The following CADPS variants were observed in gnomAD, a reference collection of about 807,000 sequenced individuals.
CADPS encodes the protein calcium dependent secretion activator.
A neutral mutation model predicts 167.3 loss-of-function variants in CADPS; 57 were observed. The observed-to-expected ratio is 0.34, with a 90% confidence interval of 0.28 to 0.42. The LOEUF is 0.42. Ranked by LOEUF, CADPS falls within the 20% of genes least tolerant of loss-of-function variation. CADPS has a pLI of 1.00. For synonymous variants in CADPS, 676 were observed against 635.3 expected, an observed-to-expected ratio of 1.06 and a Z score of -0.96; for missense variants, 1,414 against 1,738.1, an observed-to-expected ratio of 0.81 and a Z score of 3.32.
At chr3:62,576,237 G>C (rs1017292629) in intron 8 of CADPS, among the ~76,000 whole-genome samples, 2 of 152,194 alleles carry the variant, frequency 1.3e-5, no homozygotes, top group Non-Finnish European at 2.9e-5. Context: ...TGGCAGTTTA[G>C]ACGAGTGGTT....
At chr3:62,703,100 C>A (rs908595416) in intron 3 of CADPS, among the ~76,000 whole-genome samples, 2 of 152,068 alleles carry the variant, frequency 1.3e-5, no homozygotes, top group African/African-American at 4.8e-5. Context: ...ATATAAGCAC[C>A]ATTATAAAAC....
At chr3:62,799,980 T>A (rs963064371) in intron 1 of CADPS, among the ~76,000 whole-genome samples, 1 of 152,190 alleles carries the variant, frequency 6.6e-6, no homozygotes, top group African/African-American at 2.4e-5. Flanking sequence ...ATAAGGATAA[T>A]GTTTCTCTCC....
chr3:62,467,244 T>C, intron 24 of CADPS: 3 of 974,714 alleles, frequency 3.1e-6, no homozygotes, highest in Non-Finnish European at 1.3e-6. Flanking sequence ...CATATTTCCC[T>C]AACAAAAAAT....
chr3:62,845,443 C>CTCA (rs1446474526), intron 1 of CADPS, among the ~76,000 whole-genome samples: 1 of 152,164 alleles, frequency 6.6e-6, no homozygotes, highest in African/African-American at 2.4e-5. Flanking sequence ...TAATACATCT[C>CTCA]TCATTAGGTC....
At chr3:62,489,192 G>C (rs547142768) in intron 21 of CADPS, among the ~76,000 whole-genome samples, 3 of 151,194 alleles carry the variant, frequency 2.0e-5, no homozygotes, top group Non-Finnish European at 2.9e-5. Context: ...ACGGCATCTC[G>C]GTCTGTCACC....
intron 12 of CADPS, among the ~76,000 whole-genome samples, chr3:62,535,712 C>CT (rs945633751): frequency 3.3e-5 from 5 of 151,878 alleles, no homozygotes; most frequent in Non-Finnish European, 7.4e-5. Context: ...TAAATTGGGT[C>CT]TTTTTTTAGG....
At chr3:62,437,952 T>TA in intron 28 of CADPS, 152 bp downstream of exon 28, 1 of 585,864 alleles carries the variant, frequency 1.7e-6, no homozygotes, top group Non-Finnish European at 3.1e-6. Flanking sequence ...ACAAGACAGA[T>TA]AAGAGCCTAA....
At chr3:62,684,729 G>C (rs985627754) in intron 3 of CADPS, among the ~76,000 whole-genome samples, 3 of 151,964 alleles carry the variant, frequency 2.0e-5, no homozygotes, top group African/African-American at 7.3e-5. Flanking sequence ...CTCAGTTCTA[G>C]GTGAGTGTCT....
intron 13 of CADPS, among the ~76,000 whole-genome samples, chr3:62,529,914 G>T (rs2073258926): frequency 6.6e-6 from 1 of 152,144 alleles, no homozygotes; most frequent in African/African-American, 2.4e-5. Flanking sequence ...TTAATTTTGG[G>T]TGACGGTATA....
chr3:62,601,744 C>T lies in CADPS; in HGVS notation c.1326-8996G>A, dbSNP rs889643974. On this transcript the variant is annotated intron_variant, in intron 6 of 29. Coordinates refer to ENST00000383710, the MANE Select transcript of CADPS (RefSeq NM_003716.4). This position sits in a 1 kb window ranked among gnomAD's most constrained non-coding sequence, Gnocchi z 4.3. ...AATATCAAATAATAAACATGAGTAGCAGATGATTCATATTTAGGGGGATGG... is the reference window on the plus strand; with the variant it reads ...AATATCAAATAATAAACATGAGTAGTAGATGATTCATATTTAGGGGGATGG... 6.6e-6 allele frequency among the ~76,000 whole-genome samples: 1 copy of T among 152,150 alleles called. No individual in the cohort carries two copies. The highest frequency in any genetic ancestry group is 1.5e-5 in the Non-Finnish European group (1 of 68,034).
chr3:62,792,175 T>C (rs571975970), intron 1 of CADPS, among the ~76,000 whole-genome samples: 2 of 152,114 alleles, frequency 1.3e-5, no homozygotes, highest in South Asian at 4.1e-4. Context: ...GAGAGTCAAT[T>C]CATGTGACTA....
intron 6 of CADPS, among the ~76,000 whole-genome samples, chr3:62,612,777 C>T (rs1562897425): frequency 6.6e-6 from 1 of 152,166 alleles, no homozygotes; most frequent in Non-Finnish European, 1.5e-5. Flanking sequence ...TGAATGGGGG[C>T]AAGTTTACTG....
chr3:62,721,641 A>T lies in CADPS; in HGVS notation c.888+31800T>A, dbSNP rs1413757674. 2.0e-5 allele frequency among the ~76,000 whole-genome samples: 3 copies of T among 152,200 alleles called. No individual in the cohort carries two copies. In the East Asian group the frequency reaches 5.8e-4, roughly 29 times the overall value. ...GACAGATCTTTCCAACTTAGATTCA[A>T]CAAAAAAGCCAAACAAAACATTAAC... On this transcript the variant is annotated intron_variant, in intron 3 of 29. Coordinates refer to ENST00000383710, the MANE Select transcript of CADPS (RefSeq NM_003716.4).
At chr3:62,440,051 A>G (rs1352673782) in intron 27 of CADPS, 1 of 152,026 alleles carries the variant, frequency 6.6e-6, no homozygotes, top group Non-Finnish European at 1.5e-5. Context: ...ATTATACACT[A>G]TTTGTTTTCT....
chr3:62,399,313 G>A lies in CADPS; in HGVS notation c.*93C>T, dbSNP rs1705036121. Reference sequence around the variant, plus strand: ...TGATAAACATCTCATGGGCATGGTAGTTGACAGAAAATTCCTAATGGGTTT... The same window carrying A: ...TGATAAACATCTCATGGGCATGGTAATTGACAGAAAATTCCTAATGGGTTT... On this transcript the variant is annotated 3_prime_UTR_variant, in exon 30 of 30. Coordinates refer to ENST00000383710, the MANE Select transcript of CADPS (RefSeq NM_003716.4). The surrounding 1 kb of genome is among the most constrained non-coding windows in gnomAD (Gnocchi z 5.6). The A allele has an allele frequency of 4.9e-6, 6 of 1,218,876 alleles. No homozygotes were observed. The highest frequency in any genetic ancestry group is 7.0e-6 in the Non-Finnish European group (6 of 851,638). 75.5% of individuals were successfully genotyped at this position (1,218,876 alleles called of 1,614,324 possible).
rs1329295167 is a variant in CADPS, at chr3:62,421,387, AGT to A, written c.3777+16715_3777+16716del. ...GGGGCAAACCTCCTAAGTTGAATGG[AGT>A]GTCTTTTGGGACCAATTTGTCTCTT... is the stretch of plus-strand genomic sequence containing the variant. On this transcript the variant is annotated intron_variant, in intron 28 of 29. Transcript: ENST00000383710. The surrounding 1 kb of genome is among the most constrained non-coding windows in gnomAD (Gnocchi z 4.7). Among the ~76,000 whole-genome samples the A allele has an allele frequency of 6.6e-6, 1 of 152,158 alleles. No individual in the cohort carries two copies. The highest frequency in any genetic ancestry group is 1.5e-5 in the Non-Finnish European group (1 of 68,026).
At chr3:62,773,439 T>C (rs1384772802) in intron 1 of CADPS, among the ~76,000 whole-genome samples, 2 of 152,086 alleles carry the variant, frequency 1.3e-5, no homozygotes, top group African/African-American at 2.4e-5. Context: ...AATTCTGAAA[T>C]GCAAGTTGAA....
intron 1 of CADPS, among the ~76,000 whole-genome samples, chr3:62,848,313 G>A (rs1173559844): frequency 2.2e-5 from 2 of 91,246 alleles, no homozygotes; most frequent in Non-Finnish European, 4.2e-5. Flanking sequence ...TTTGGCTTTT[G>A]TTGCCATTGC....
chr3:62,816,941 T>C (rs573917835), intron 1 of CADPS, among the ~76,000 whole-genome samples: 50 of 152,228 alleles, frequency 3.3e-4, no homozygotes, highest in African/African-American at 1.2e-3. Flanking sequence ...ACCAGAGTTG[T>C]GAATGAAGTG....
Sources: gnomAD v4.1 joint callset for allele counts (sites outside exome capture counted in the v4.1 genomes callset) on GRCh38, gnomAD v4.1.1 for gene constraint, Gnocchi (gnomAD v3.1) non-coding constraint, MANE v1.5 for transcripts, NCBI Gene and HGNC (gene_info 2026-07-23, HGNC 2026-07-21) for gene names.